Variants in P2RX3 observed in about 807,000 individuals in gnomAD.
P2RX3 encodes the protein P2X purinoceptor 3.
In P2RX3, 41 loss-of-function variants were observed where a neutral mutation model predicts 51.5. The ratio of observed to expected loss-of-function variants is 0.80; its 90% CI spans 0.62 to 1.03. The LOEUF (loss-of-function observed/expected upper bound fraction) is 1.03. Ranked by LOEUF, P2RX3 falls within the 50% of genes least tolerant of loss-of-function variation. The pLI is 0.00. For synonymous variants in P2RX3, 185 were observed against 191.6 expected, an observed-to-expected ratio of 0.97 and a Z score of 0.29; for missense variants, 459 against 522.1, an observed-to-expected ratio of 0.88 and a Z score of 1.18.
chr11:57,358,562 G>GT (rs1479760043), intron 8 of P2RX3, among the ~76,000 whole-genome samples: 6 of 152,194 alleles, frequency 3.9e-5, no homozygotes, highest in African/African-American at 1.4e-4. Flanking sequence ...AATCCTGGAT[G>GT]TGATGTTAAG....
At chr11:57,354,179 G>A (rs1856592461) in intron 8 of P2RX3, among the ~76,000 whole-genome samples, 1 of 152,120 alleles carries the variant, frequency 6.6e-6, no homozygotes, top group Non-Finnish European at 1.5e-5. Flanking sequence ...GCCAAAATGT[G>A]CCTCCCTTTA....
intron 9 of P2RX3, 32 bp downstream of exon 9, chr11:57,368,134 CA>C (rs1388055685): frequency 6.3e-6 from 10 of 1,592,706 alleles, no homozygotes; most frequent in Admixed American, 5.0e-5. Flanking sequence ...ATGGGGTGGA[CA>C]GGGGAGGCAG....
At chr11:57,347,600 G>T in intron 4 of P2RX3, 122 bp downstream of exon 4, 1 of 1,132,162 alleles carries the variant, frequency 8.8e-7, no homozygotes, top group Non-Finnish European at 1.3e-6. Flanking sequence ...GGCATTTACA[G>T]TTGCTCCCTG....
chr11:57,361,063 G>A (rs888430793), intron 8 of P2RX3, among the ~76,000 whole-genome samples: 5 of 152,174 alleles, frequency 3.3e-5, no homozygotes, highest in African/African-American at 1.2e-4. Flanking sequence ...GAATTGGGAA[G>A]AGATGCACAC....
At position 57,371,433 on chromosome 11, in the gene P2RX3, C is replaced by T. The variant is rs528863847; in HGVS notation, c.*1436C>T. Among the ~76,000 whole-genome samples, 2 of 152,380 alleles carry T rather than the reference C, an allele frequency of 1.3e-5. No homozygotes were observed. The highest frequency in any genetic ancestry group is 4.1e-4 in the South Asian group (2 of 4,824). ...ATCTGGCAGTCAGAGTGGGCATGAT[C>T]ATGAGGTCTTAGCTGCACCAGCTCA... On this transcript the variant is annotated 3_prime_UTR_variant, in exon 12 of 12. Coordinates refer to ENST00000263314, the MANE Select transcript of P2RX3 (RefSeq NM_002559.5).
In P2RX3 at chr11:57,370,032, C is replaced by T. The variant is rs775376811; in HGVS notation, c.*35C>T. ...CCAGGGCCCCACACTCACAAAGGCT[C>T]CAGGCCTCCCCACAGAGGACCCTGC... On this transcript the variant is annotated 3_prime_UTR_variant, in exon 12 of 12. Transcript: ENST00000263314. 33 of 1,457,416 alleles carry T rather than the reference C, an allele frequency of 2.3e-5. No homozygotes were observed. Among genetic ancestry groups the T allele is most frequent in the Non-Finnish European group, 3.2e-5 (33 of 1,045,106 alleles). 90.3% of individuals were successfully genotyped at this position (1,457,416 alleles called of 1,614,324 possible).
At chr11:57,365,714 C>T (rs1001169991) in intron 8 of P2RX3, among the ~76,000 whole-genome samples, 3 of 152,222 alleles carry the variant, frequency 2.0e-5, no homozygotes, top group African/African-American at 7.2e-5. Context: ...GCCACATTAA[C>T]AAGTGGGGGA....
At chr11:57,356,741 C>T (rs915601931) in intron 8 of P2RX3, among the ~76,000 whole-genome samples, 3 of 152,176 alleles carry the variant, frequency 2.0e-5, no homozygotes, top group African/African-American at 4.8e-5. Context: ...CAGCCAGCAC[C>T]GTCATTTCCA....
In P2RX3 at chr11:57,370,049, G is replaced by A. The variant is rs1436163600; in HGVS notation, c.*52G>A. 6.2e-6 allele frequency: 8 copies of A among 1,292,574 alleles called. No homozygotes were observed. The East Asian group carries it at 1.7e-4, about 28-fold the overall frequency. The allele number at this position is 1,292,574 out of a possible 1,614,324, so 80.1% of individuals were successfully genotyped here. A position where few individuals can be genotyped will look rare whatever the true frequency, so the allele number is the denominator to read the frequency against. On this transcript the variant is annotated 3_prime_UTR_variant, in exon 12 of 12. Transcript: ENST00000263314. ...CAAAGGCTCCAGGCCTCCCCACAGA[G>A]GACCCTGCCTGAGCAAGGGGCATGG...
chr11:57,365,665 C>T (rs573837767), intron 8 of P2RX3, among the ~76,000 whole-genome samples: 7 of 152,328 alleles, frequency 4.6e-5, no homozygotes, highest in African/African-American at 1.7e-4. Context: ...TGCTTATAGA[C>T]ATGGAAATGG....
In P2RX3 at chr11:57,355,262, A is replaced by G. The variant is rs1167699383; in HGVS notation, c.842+4364A>G. ...CCGATGAAAATGGGGACCATTGTCC[A>G]AGGAAGATGCATGTATTCATAGACA... On this transcript the variant is annotated intron_variant, in intron 8 of 11. Coordinates refer to ENST00000263314, the MANE Select transcript of P2RX3 (RefSeq NM_002559.5). 2.0e-5 allele frequency among the ~76,000 whole-genome samples: 3 copies of G among 152,228 alleles called. No homozygotes were observed. The East Asian group carries it at 5.8e-4, about 29-fold the overall frequency.
rs1041322679 is a variant in P2RX3 at position 57,346,672 on chromosome 11, C to T, written c.248C>T (p.Pro83Leu). 2.5e-6 allele frequency: 4 copies of T among 1,613,736 alleles called. No homozygotes were observed. The highest frequency in any genetic ancestry group is 1.3e-5 in the African/African-American group (1 of 74,932). The change falls in exon 2 of 12, where the codon CCA becomes CTA. Residue 83 changes from proline (P) to leucine (L), a missense_variant. By Grantham distance (98) the Pro-to-Leu change is moderately conservative. Coordinates refer to ENST00000263314, the MANE Select transcript of P2RX3 (RefSeq NM_002559.5). ...ATGGATGTGTCTGATTACGTGACGC[C>T]ACCTCAGGTATGGTACCCCTACCCA... ...RVMDVSDYVTPPQGTSVFVII... is the reference protein window; with the variant it reads ...RVMDVSDYVTLPQGTSVFVII...
Position 57,370,098 on chromosome 11 carries a change from T to A in P2RX3, c.*101T>A. On this transcript the variant is annotated 3_prime_UTR_variant, in exon 12 of 12. Transcript: ENST00000263314. ...GGGAGGGAAGAGGGGCTCTCATTTC[T>A]GCTGCTCATTCCATGAGCATAGCTG... 1 of 816,998 alleles carries A rather than the reference T, an allele frequency of 1.2e-6. No homozygotes were observed. Among genetic ancestry groups the A allele is most frequent in the Non-Finnish European group, 2.0e-6 (1 of 502,410 alleles). The allele number at this position is 816,998 out of a possible 1,614,324, so 50.6% of individuals were successfully genotyped here. A position where few individuals can be genotyped will look rare whatever the true frequency, so the allele number is the denominator to read the frequency against.
chr11:57,359,612 G>A (rs919719158), intron 8 of P2RX3, among the ~76,000 whole-genome samples: 1 of 152,212 alleles, frequency 6.6e-6, no homozygotes, highest in African/African-American at 2.4e-5. Flanking sequence ...CATCATTGCA[G>A]TCACAGCCAT....
At chr11:57,369,559 A>C (rs1856849537) in intron 11 of P2RX3, 121 bp downstream of exon 11, 1 of 923,924 alleles carries the variant, frequency 1.1e-6, no homozygotes, top group African/African-American at 1.7e-5. Context: ...GGCCTCAATG[A>C]ATATTTGGGG....
In P2RX3 at chr11:57,370,220, G is replaced by A. The variant is rs992882611; in HGVS notation, c.*223G>A. 3.7e-6 allele frequency: 2 copies of A among 535,190 alleles called. No individual in the cohort carries two copies. The highest frequency in any genetic ancestry group is 1.9e-5 in the African/African-American group (1 of 53,028). 33.2% of individuals were successfully genotyped at this position (535,190 alleles called of 1,614,324 possible). A position where few individuals can be genotyped will look rare whatever the true frequency, so the allele number is the denominator to read the frequency against. ...CTTCACTCCTTGCCTGGCCCCATCT[G>A]CTTCCTAGGACCCCTGGGGCAGGAG... On this transcript the variant is annotated 3_prime_UTR_variant, in exon 12 of 12. Coordinates refer to ENST00000263314, the MANE Select transcript of P2RX3 (RefSeq NM_002559.5).
In P2RX3 at chr11:57,352,029, G is replaced by A. The variant is rs191510305; in HGVS notation, c.842+1131G>A. 9.2e-5 allele frequency among the ~76,000 whole-genome samples: 14 copies of A among 151,516 alleles called. No homozygotes were observed. The South Asian group carries it at 1.5e-3, about 16-fold the overall frequency. ...ATAGAACAAATAGGGAGTGACCAGG[G>A]GAAAAAAATACATAAGAATATATTT... On this transcript the variant is annotated intron_variant, in intron 8 of 11. Transcript: ENST00000263314.
Position 57,338,619 on chromosome 11 carries a change from C to T in P2RX3, c.69C>T (p.Ile23=), listed in dbSNP as rs1284801196. 4.4e-6 allele frequency: 7 copies of T among 1,597,850 alleles called. No homozygotes were observed. The highest frequency in any genetic ancestry group is 6.0e-6 in the Non-Finnish European group (7 of 1,166,674). ...TKSVVVKSWT[I]GIINRVVQLL... ...CGGTGGTTGTGAAGAGCTGGACCAT[C>T]GGGATCATCAACCGAGTAGTTCAGC... The change falls in exon 1 of 12, where the codon ATC becomes ATT. Residue 23 remains isoleucine (I), a synonymous_variant. Transcript: ENST00000263314.
At position 57,349,888 on chromosome 11, in the gene P2RX3, T is replaced by C; in HGVS notation, c.695T>C (p.Leu232Pro). 2.5e-6 allele frequency: 4 copies of C among 1,614,252 alleles called. No individual in the cohort carries two copies. Among genetic ancestry groups the C allele is most frequent in the Non-Finnish European group, 3.4e-6 (4 of 1,180,040 alleles). The part of the protein sequence containing the change: ...VKFAGQDFAK[L>P]ARTGGVLGIK... ...TTTGCGGGGCAGGATTTTGCCAAAC[T>C]GGCGCGCACGGTGAGGACCTAGCCA... Residue 232 changes from leucine to proline, a missense_variant, in exon 7 of 12, where the codon CTG becomes CCG. Coordinates refer to ENST00000263314, the MANE Select transcript of P2RX3 (RefSeq NM_002559.5).
Sources: allele counts gnomAD v4.1 joint callset (sites outside exome capture counted in the v4.1 genomes callset), GRCh38; gene constraint gnomAD v4.1.1; transcripts MANE v1.5; gene names NCBI Gene and HGNC (gene_info 2026-07-23, HGNC 2026-07-21).